The following LRRFIP1 variants were observed in gnomAD, a reference collection of about 807,000 sequenced individuals.
LRRFIP1 encodes leucine-rich repeat flightless-interacting protein 1.
A neutral mutation model predicts 104.4 loss-of-function variants in LRRFIP1; 62 were observed. The observed-to-expected ratio is 0.59, with a 90% CI of 0.48 to 0.73. LRRFIP1 has a LOEUF of 0.73. LRRFIP1 is among the 30% of genes least tolerant of loss of function. LRRFIP1 has a pLI of 0.00. For synonymous variants in LRRFIP1, 300 were observed against 299.0 expected, an observed-to-expected ratio of 1.00 and a Z score of -0.03; for missense variants, 796 against 824.5, an observed-to-expected ratio of 0.97 and a Z score of 0.42.
intron 6 of LRRFIP1, 69 bp from the exon 7 acceptor site, chr2:237,723,479 G>A (rs2094606685): frequency 6.7e-7 from 1 of 1,483,388 alleles, no homozygotes. Flanking sequence ...GTTTTACTTA[G>A]CTTTTAAATT....
At chr2:237,667,864 T>A (rs1415881121) in intron 1 of LRRFIP1, among the ~76,000 whole-genome samples, 1 of 152,118 alleles carries the variant, frequency 6.6e-6, no homozygotes, top group Non-Finnish European at 1.5e-5. Flanking sequence ...TCAGGCTCCG[T>A]CAGCCTCTCC....
chr2:237,692,155 C>A, intron 1 of LRRFIP1: 1 of 673,078 alleles, frequency 1.5e-6, no homozygotes, highest in Non-Finnish European at 1.7e-6. Context: ...GCGTGGGGGG[C>A]GGGGCGGGCC....
chr2:237,699,753 C>G (rs147302001), intron 1 of LRRFIP1, among the ~76,000 whole-genome samples: 2 of 152,204 alleles, frequency 1.3e-5, no homozygotes, highest in Non-Finnish European at 2.9e-5. Flanking sequence ...GCCCTGCCCC[C>G]CCGCCCCAAT....
At chr2:237,742,813 C>T (rs1398469613) in intron 11 of LRRFIP1, among the ~76,000 whole-genome samples, 2 of 152,004 alleles carry the variant, frequency 1.3e-5, no homozygotes, top group African/African-American at 2.4e-5. Context: ...CTGGTGTAAG[C>T]GTGGTGGCAA....
At chr2:237,762,558 C>A in intron 19 of LRRFIP1, 2 of 1,458,358 alleles carry the variant, frequency 1.4e-6, no homozygotes, top group South Asian at 1.3e-5. Flanking sequence ...GATTATGTGG[C>A]CGCCACATCA....
chr2:237,748,599 CA>C lies in LRRFIP1; in HGVS notation c.669+201del, dbSNP rs1407854354. 8.5e-5 allele frequency among the ~76,000 whole-genome samples: 13 copies of C among 152,134 alleles called. No homozygotes were observed. In the East Asian group the frequency reaches 2.3e-3, roughly 27 times the overall value. On this transcript the variant is annotated intron_variant, in intron 12 of 23. Coordinates refer to ENST00000308482, the MANE Select transcript of LRRFIP1 (RefSeq NM_001137550.2). ...CCGGTGTGCGTTAGATCCTGTAGAG[CA>C]GGGAGGCGTTTATAATGGGCCCCAC...
At chr2:237,758,226 G>A (rs1409326603) in intron 17 of LRRFIP1, among the ~76,000 whole-genome samples, 1 of 150,262 alleles carries the variant, frequency 6.7e-6, no homozygotes, top group Non-Finnish European at 1.5e-5. Flanking sequence ...ACTTAGGAGT[G>A]TGTGTGTGTG....
chr2:237,716,982 G>A (rs901929331), intron 3 of LRRFIP1, among the ~76,000 whole-genome samples: 2 of 152,088 alleles, frequency 1.3e-5, no homozygotes, highest in Non-Finnish European at 2.9e-5. Flanking sequence ...AACACAAATC[G>A]TAAACTCTTT....
rs1271361306 is a variant in LRRFIP1 at position 237,691,909 on chromosome 2, G to A, written c.97-16635G>A. On this transcript the variant is annotated intron_variant, in intron 1 of 23. Coordinates refer to ENST00000308482, the MANE Select transcript of LRRFIP1 (RefSeq NM_001137550.2). The surrounding 1 kb of genome is among the most constrained non-coding windows in gnomAD (Gnocchi z 5.4). ...AGATCCTTCCGAGACGGAGCGCGGGGGGCGGGGCGGGGCTCGCGTTAAGGG... is the reference window on the plus strand; with the variant it reads ...AGATCCTTCCGAGACGGAGCGCGGGAGGCGGGGCGGGGCTCGCGTTAAGGG... Among the ~76,000 whole-genome samples the A allele has an allele frequency of 1.3e-5, 2 of 151,452 alleles. No homozygotes were observed. Among genetic ancestry groups the A allele is most frequent in the Non-Finnish European group, 3.0e-5 (2 of 67,748 alleles).
At chr2:237,692,250 C>G in intron 1 of LRRFIP1, 1 of 1,136,838 alleles carries the variant, frequency 8.8e-7, no homozygotes, top group South Asian at 4.4e-5. Flanking sequence ...ACCTGCGCCC[C>G]GCCCCTGTCG....
In LRRFIP1 at chr2:237,746,534, T is replaced by C. The variant is rs114597925; in HGVS notation, c.634-1830T>C. On this transcript the variant is annotated intron_variant, in intron 11 of 23. Transcript: ENST00000308482. ...AGAGTCTGCCTTCGTATCTGTCCCA[T>C]CGGAGTCTGCCTTGGTACTCATCTT... Among the ~76,000 whole-genome samples the C allele has an allele frequency of 6.6e-3, 999 of 152,282 alleles. 16 individuals are homozygous for C. Among genetic ancestry groups the C allele is most frequent in the African/African-American group, 0.023 (968 of 41,558 alleles).
chr2:237,716,036 G>T (rs2094321599), intron 3 of LRRFIP1, among the ~76,000 whole-genome samples: 1 of 152,194 alleles, frequency 6.6e-6, no homozygotes, highest in Non-Finnish European at 1.5e-5. Context: ...TGGGCAAAAA[G>T]AAATCTATGA....
rs184648578 is a variant in LRRFIP1, at chr2:237,735,936, G to C, written c.555+603G>C. Among the ~76,000 whole-genome samples, 330 of 152,324 alleles carry C rather than the reference G, an allele frequency of 2.2e-3. 1 individual carries two copies. The highest frequency in any genetic ancestry group is 7.7e-3 in the African/African-American group (318 of 41,568). On this transcript the variant is annotated intron_variant, in intron 10 of 23. Transcript: ENST00000308482. The surrounding 1 kb of genome is among the most constrained non-coding windows in gnomAD (Gnocchi z 4.6). ...GCGTGTCCCAGGGACCTGTGGAAACGGAGCGTTCAGTGCTAACCGGTGCTC... is the reference window on the plus strand; with the variant it reads ...GCGTGTCCCAGGGACCTGTGGAAACCGAGCGTTCAGTGCTAACCGGTGCTC...
chr2:237,761,981 A>G (rs532988263), intron 19 of LRRFIP1, among the ~76,000 whole-genome samples: 1 of 152,294 alleles, frequency 6.6e-6, no homozygotes, highest in African/African-American at 2.4e-5. Flanking sequence ...TAGGGAATGG[A>G]GCAGAGGTAT....
chr2:237,715,641 C>T (rs1049941949), intron 3 of LRRFIP1, among the ~76,000 whole-genome samples: 8 of 152,364 alleles, frequency 5.3e-5, no homozygotes, highest in African/African-American at 1.9e-4. Context: ...GAAGGCTTTC[C>T]TCATTGCTGA....
At chr2:237,650,529 G>A (rs1045033704) in intron 1 of LRRFIP1, among the ~76,000 whole-genome samples, 1 of 148,692 alleles carries the variant, frequency 6.7e-6, no homozygotes, top group Non-Finnish European at 1.5e-5. Context: ...ACGCACTGCA[G>A]AAGCCCTGGG....
At chr2:237,646,857 G>T (rs1274704343) in intron 1 of LRRFIP1, among the ~76,000 whole-genome samples, 1 of 151,950 alleles carries the variant, frequency 6.6e-6, no homozygotes, top group Non-Finnish European at 1.5e-5. Flanking sequence ...CCCAGTCTGT[G>T]GTGTTTTGTT....
At position 237,748,288 on chromosome 2, in the gene LRRFIP1, C is replaced by T. The variant is rs982793169; in HGVS notation, c.634-76C>T. ...AAATGTTTTGTTTTGTTTTGTTTAT[C>T]ATTCATAGCCCCATCTTCATGTTAT... On this transcript the variant is annotated intron_variant, in intron 11 of 23. Coordinates refer to ENST00000308482, the MANE Select transcript of LRRFIP1 (RefSeq NM_001137550.2). The T allele has an allele frequency of 3.8e-6, 4 of 1,054,626 alleles. No individual in the cohort carries two copies. In the African/African-American group the frequency reaches 6.4e-5, roughly 17 times the overall value. 65.3% of individuals were successfully genotyped at this position (1,054,626 alleles called of 1,614,324 possible).
rs534638880 is a variant in LRRFIP1, at chr2:237,651,827, G to A, written c.96+24087G>A. ...CAGCATGTAATCAATATAAAAAATTGTTAATGAGAGATGTTACACTCTTTT... is the reference window on the plus strand; with the variant it reads ...CAGCATGTAATCAATATAAAAAATTATTAATGAGAGATGTTACACTCTTTT... On this transcript the variant is annotated intron_variant, in intron 1 of 23. Coordinates refer to ENST00000308482, the MANE Select transcript of LRRFIP1 (RefSeq NM_001137550.2). Among the ~76,000 whole-genome samples, 20 of 152,330 alleles carry A rather than the reference G, an allele frequency of 1.3e-4. No individual in the cohort carries two copies. In the East Asian group the frequency reaches 3.7e-3, roughly 28 times the overall value.
Sources: allele counts gnomAD v4.1 joint callset (sites outside exome capture counted in the v4.1 genomes callset), GRCh38; gene constraint gnomAD v4.1.1; non-coding constraint Gnocchi (gnomAD v3.1); transcripts MANE v1.5; gene names NCBI Gene and HGNC (gene_info 2026-07-23, HGNC 2026-07-21).